MAML3: variants seen among roughly 807,000 people sequenced by gnomAD.
MAML3 encodes the protein mastermind like transcriptional coactivator 3.
A neutral mutation model predicts 101.9 loss-of-function variants in MAML3; 27 were observed. The ratio of observed to expected loss-of-function variants is 0.27; its 90% CI spans 0.20 to 0.37. The LOEUF (loss-of-function observed/expected upper bound fraction) is 0.37, where lower values mean the gene tolerates loss of function less well. MAML3 is among the 10% of genes least tolerant of loss of function. The pLI is 1.00. For missense variants in MAML3, 1,316 were observed against 1,444.9 expected, an observed-to-expected ratio of 0.91 and a Z score of 1.45; for synonymous variants, 501 against 555.9, an observed-to-expected ratio of 0.90 and a Z score of 1.39.
chr4:139,775,035 C>T lies in MAML3; in HGVS notation c.2080-44368G>A, dbSNP rs943822357. On this transcript the variant is annotated intron_variant, in intron 2 of 4. Coordinates refer to ENST00000509479, the MANE Select transcript of MAML3 (RefSeq NM_018717.5). ...CCCAGATCCATAATGGTGAATTACACGGGTCTGAGAATAAGAGGAAAAGTC... is the reference window on the plus strand; with the variant it reads ...CCCAGATCCATAATGGTGAATTACATGGGTCTGAGAATAAGAGGAAAAGTC... 5.9e-5 allele frequency among the ~76,000 whole-genome samples: 9 copies of T among 152,098 alleles called. No homozygotes were observed. The South Asian group carries it at 1.5e-3, about 25-fold the overall frequency.
chr4:140,135,357 A>G (rs184942072), intron 1 of MAML3, among the ~76,000 whole-genome samples: 146 of 152,356 alleles, frequency 9.6e-4, no homozygotes, highest in Non-Finnish European at 1.5e-3. Flanking sequence ...AGCATTAAAA[A>G]CAAAACAACT....
intron 2 of MAML3, among the ~76,000 whole-genome samples, chr4:139,795,380 A>G (rs934528626): frequency 1.3e-5 from 2 of 152,238 alleles, no homozygotes; most frequent in Admixed American, 6.5e-5. Context: ...TGAGTGGTTC[A>G]TGCTTTATGT....
rs578209435 is a variant in MAML3, at chr4:139,991,245, T to C, written c.469-100278A>G. Among the ~76,000 whole-genome samples the C allele has an allele frequency of 8.5e-5, 13 of 152,186 alleles. No homozygotes were observed. In the East Asian group the frequency reaches 2.5e-3, roughly 29 times the overall value. On this transcript the variant is annotated intron_variant, in intron 1 of 4. Coordinates refer to ENST00000509479, the MANE Select transcript of MAML3 (RefSeq NM_018717.5). ...CAGAACAGAGCCCTCAGAAATAAAG[T>C]CGCGTATCTACAACTATCTGATCTT...
At chr4:139,781,792 T>A in intron 2 of MAML3, among the ~76,000 whole-genome samples, 1 of 152,260 alleles carries the variant, frequency 6.6e-6, no homozygotes, top group East Asian at 1.9e-4. Flanking sequence ...ATGCTGTTAC[T>A]CCTTAAAAAC....
At chr4:139,970,672 C>G (rs1036146732) in intron 1 of MAML3, among the ~76,000 whole-genome samples, 7 of 152,206 alleles carry the variant, frequency 4.6e-5, no homozygotes, top group Admixed American at 6.5e-5. Flanking sequence ...AGAGAAGCAA[C>G]AAGCCTAAAT....
At chr4:140,012,093 G>T (rs1726573196) in intron 1 of MAML3, among the ~76,000 whole-genome samples, 1 of 151,894 alleles carries the variant, frequency 6.6e-6, no homozygotes, top group Non-Finnish European at 1.5e-5. Flanking sequence ...TTATTGCAAG[G>T]AAGGGGTCTT....
chr4:139,982,915 C>T (rs928455924), intron 1 of MAML3, among the ~76,000 whole-genome samples: 2 of 152,182 alleles, frequency 1.3e-5, no homozygotes, highest in Non-Finnish European at 2.9e-5. Flanking sequence ...TAGGAAAAAA[C>T]TATCAATCAG....
At chr4:139,750,178 T>G (rs1729460078) in intron 2 of MAML3, among the ~76,000 whole-genome samples, 1 of 152,016 alleles carries the variant, frequency 6.6e-6, no homozygotes, top group Non-Finnish European at 1.5e-5. Flanking sequence ...CAATGCTAAG[T>G]GAAGAGAAAG....
chr4:139,934,814 A>C (rs1578605669), intron 1 of MAML3, among the ~76,000 whole-genome samples: 2 of 152,186 alleles, frequency 1.3e-5, no homozygotes, highest in African/African-American at 4.8e-5. Context: ...TTGCCCTAAC[A>C]ACACTTTGTA....
chr4:139,839,385 C>A (rs1031698672), intron 2 of MAML3, among the ~76,000 whole-genome samples: 7 of 152,084 alleles, frequency 4.6e-5, no homozygotes, highest in African/African-American at 1.7e-4. Flanking sequence ...ATTGCTTTTG[C>A]CATGTTACCC....
intron 1 of MAML3, among the ~76,000 whole-genome samples, chr4:139,991,778 C>A (rs963612398): frequency 6.6e-6 from 1 of 151,946 alleles, no homozygotes; most frequent in Non-Finnish European, 1.5e-5. Flanking sequence ...CCCAGGAGGT[C>A]AAGGCTGGAG....
chr4:139,905,491 C>CAAAAAAAACAAAAAAA, intron 1 of MAML3, among the ~76,000 whole-genome samples: 1 of 79,976 alleles, frequency 1.3e-5, no homozygotes, highest in Non-Finnish European at 2.7e-5. Context: ...GACTCTGTCT[C>CAAAAAAAACAAAAAAA]AAAAAAAAAA....
intron 1 of MAML3, among the ~76,000 whole-genome samples, chr4:140,066,100 T>C (rs1727533127): frequency 6.6e-6 from 1 of 152,164 alleles, no homozygotes; most frequent in Non-Finnish European, 1.5e-5. Context: ...CCAAAAAAGA[T>C]GTGTGAAAAT....
intron 2 of MAML3, among the ~76,000 whole-genome samples, chr4:139,779,871 C>A: frequency 6.6e-6 from 1 of 152,214 alleles, no homozygotes; most frequent in Non-Finnish European, 1.5e-5. Context: ...GGGAGGCCGA[C>A]AGGGAAAGAT....
chr4:139,953,462 C>T (rs1733864582), intron 1 of MAML3, among the ~76,000 whole-genome samples: 1 of 152,122 alleles, frequency 6.6e-6, no homozygotes, highest in African/African-American at 2.4e-5. Flanking sequence ...TCCATCTCTA[C>T]TAAAAATACA....
intron 1 of MAML3, among the ~76,000 whole-genome samples, chr4:140,072,465 G>A (rs889731396): frequency 1.3e-5 from 2 of 152,140 alleles, no homozygotes; most frequent in Admixed American, 1.3e-4. Flanking sequence ...GAGGTCAGGA[G>A]TTCAAGACCA....
chr4:139,937,711 C>T (rs1733534237), intron 1 of MAML3, among the ~76,000 whole-genome samples: 1 of 152,094 alleles, frequency 6.6e-6, no homozygotes, highest in Non-Finnish European at 1.5e-5. Context: ...TATTACTTAC[C>T]CTCAGAGGCA....
At chr4:139,728,587 G>C (rs1170912758) in intron 3 of MAML3, among the ~76,000 whole-genome samples, 2 of 152,222 alleles carry the variant, frequency 1.3e-5, no homozygotes, top group African/African-American at 4.8e-5. Flanking sequence ...CCTGAGGAAA[G>C]TGATCCTCCC....
intron 4 of MAML3, 48 bp downstream of exon 4, chr4:139,725,703 G>T: frequency 6.4e-7 from 1 of 1,559,150 alleles, no homozygotes; most frequent in Non-Finnish European, 8.8e-7. Flanking sequence ...ATTCACTTAC[G>T]CTTCACCACT....
Sources: allele counts gnomAD v4.1 joint callset (sites outside exome capture counted in the v4.1 genomes callset), GRCh38; gene constraint gnomAD v4.1.1; transcripts MANE v1.5; gene names NCBI Gene and HGNC (gene_info 2026-07-23, HGNC 2026-07-21).